CTNND2: variants seen among roughly 807,000 people sequenced by gnomAD.
CTNND2 encodes the protein catenin delta 2.
In CTNND2, 22 loss-of-function variants were observed where a neutral mutation model predicts 144.4. That is an observed-to-expected ratio of 0.15 (90% CI 0.11 to 0.22). The LOEUF is 0.22. CTNND2 is among the 10% of genes least tolerant of loss of function. CTNND2 has a pLI of 1.00. For synonymous variants in CTNND2, 751 were observed against 695.6 expected (o/e 1.08, Z -1.25); for missense variants, 1,353 against 1,618.8 (o/e 0.84, Z 2.82).
rs1488876637 is a variant in CTNND2 at position 11,903,247 on chromosome 5, C to G, written c.37+570G>C. 2.4e-5 allele frequency: 24 copies of G among 985,330 alleles called. No homozygotes were observed. Among genetic ancestry groups the G allele is most frequent in the Non-Finnish European group, 2.8e-5 (23 of 829,982 alleles). The allele number at this position is 985,330 out of a possible 1,614,324, so 61.0% of individuals were successfully genotyped here. On this transcript the variant is annotated intron_variant, in intron 1 of 21. Transcript: ENST00000304623. This position sits in a 1 kb window ranked among gnomAD's most constrained non-coding sequence, Gnocchi z 5.4. ...CAGAAGCCCCCGAAACCTGTGAAGC[C>G]GGCTGCAAAGGCTTGCTGGGAAGCC...
chr5:11,660,713 G>A (rs938958127), intron 2 of CTNND2, among the ~76,000 whole-genome samples: 13 of 152,108 alleles, frequency 8.5e-5, no homozygotes, highest in African/African-American at 2.2e-4. Context: ...AAAAAGTCAC[G>A]TATTTAAAAT....
At chr5:11,100,302 T>C (rs1302148414) in intron 14 of CTNND2, among the ~76,000 whole-genome samples, 1 of 152,204 alleles carries the variant, frequency 6.6e-6, no homozygotes, top group Non-Finnish European at 1.5e-5. Context: ...TCACTCAATT[T>C]TAACTTTATA....
chr5:11,386,644 A>G (rs1008795447), intron 6 of CTNND2, among the ~76,000 whole-genome samples: 3 of 152,172 alleles, frequency 2.0e-5, no homozygotes, highest in African/African-American at 7.2e-5. Context: ...TATGTACGGT[A>G]TATATATTTT....
chr5:11,699,338 T>G (rs1404665906), intron 2 of CTNND2, among the ~76,000 whole-genome samples: 1 of 152,108 alleles, frequency 6.6e-6, no homozygotes, highest in Non-Finnish European at 1.5e-5. Flanking sequence ...GAGGTAGGAA[T>G]GGCCTATTTC....
At chr5:11,215,144 T>C (rs922657870) in intron 10 of CTNND2, among the ~76,000 whole-genome samples, 1 of 152,170 alleles carries the variant, frequency 6.6e-6, no homozygotes, top group Admixed American at 6.5e-5. Context: ...TTCTGCAATA[T>C]GTCTGATTGG....
intron 3 of CTNND2, among the ~76,000 whole-genome samples, chr5:11,511,374 A>C (rs1771629659): frequency 6.6e-6 from 1 of 152,168 alleles, no homozygotes; most frequent in African/African-American, 2.4e-5. Context: ...GGGGAAGATG[A>C]GCGATGGCAG....
At chr5:11,793,710 A>G (rs1791256339) in intron 1 of CTNND2, among the ~76,000 whole-genome samples, 1 of 152,072 alleles carries the variant, frequency 6.6e-6, no homozygotes, top group African/African-American at 2.4e-5. Context: ...CAGACTTCTG[A>G]CCTCCAGAAC....
chr5:11,310,240 G>A (rs1021593422), intron 9 of CTNND2, among the ~76,000 whole-genome samples: 2 of 152,048 alleles, frequency 1.3e-5, no homozygotes, highest in Non-Finnish European at 2.9e-5. Flanking sequence ...CATGGGGTCT[G>A]ACAGCTTTTA....
chr5:11,313,592 T>G (rs258627), intron 9 of CTNND2, among the ~76,000 whole-genome samples: 128,787 of 152,036 alleles, frequency 0.85, 54,898 homozygotes, highest in Middle Eastern at 0.93. Context: ...ATCCTGGGCA[T>G]AGAGCAGCCA....
intron 13 of CTNND2, among the ~76,000 whole-genome samples, chr5:11,112,485 A>G (rs1753100383): frequency 6.6e-6 from 1 of 152,210 alleles, no homozygotes; most frequent in African/African-American, 2.4e-5. Flanking sequence ...ACCTTACCAC[A>G]TTTTAATTTT....
At chr5:11,150,772 G>T (rs1195848169) in intron 12 of CTNND2, among the ~76,000 whole-genome samples, 1 of 151,888 alleles carries the variant, frequency 6.6e-6, no homozygotes, top group African/African-American at 2.4e-5. Flanking sequence ...GATTACAGGT[G>T]CCCGCCAGCT....
At chr5:11,690,093 A>G (rs1784824410) in intron 2 of CTNND2, among the ~76,000 whole-genome samples, 1 of 152,246 alleles carries the variant, frequency 6.6e-6, no homozygotes, top group African/African-American at 2.4e-5. Context: ...AGACTTTCAA[A>G]TTGCCTCAAT....
chr5:11,058,777 G>A (rs368655715), intron 16 of CTNND2, among the ~76,000 whole-genome samples: 93 of 144,596 alleles, frequency 6.4e-4, no homozygotes, highest in African/African-American at 1.9e-3. Context: ...GCTATCCCCT[G>A]CAAAGCCACA....
intron 12 of CTNND2, among the ~76,000 whole-genome samples, chr5:11,153,995 T>TAACC (rs10657605): frequency 6.6e-6 from 1 of 152,038 alleles, no homozygotes; most frequent in African/African-American, 2.4e-5. Flanking sequence ...CTTCTACCCA[T>TAACC]AGTTCACCCT....
intron 9 of CTNND2, among the ~76,000 whole-genome samples, chr5:11,268,425 A>C (rs1745668165): frequency 6.6e-6 from 1 of 152,052 alleles, no homozygotes; most frequent in Admixed American, 6.6e-5. Flanking sequence ...TCTACTAAAA[A>C]GTACAAAAAA....
chr5:11,098,308 G>A (rs1453352477), intron 15 of CTNND2, among the ~76,000 whole-genome samples: 3 of 151,966 alleles, frequency 2.0e-5, no homozygotes, highest in Non-Finnish European at 4.4e-5. Flanking sequence ...TACAAGAATA[G>A]AATGAAAAAC....
chr5:11,034,961 C>A (rs1438961176), intron 16 of CTNND2, among the ~76,000 whole-genome samples: 3 of 151,388 alleles, frequency 2.0e-5, no homozygotes, highest in East Asian at 3.9e-4. Flanking sequence ...CATGCTGGTG[C>A]GCTGCACCCA....
At chr5:11,098,327 G>A (rs150849999) in intron 15 of CTNND2, among the ~76,000 whole-genome samples, 162 of 150,594 alleles carry the variant, frequency 1.1e-3, no homozygotes, top group African/African-American at 3.9e-3. Context: ...ACATTTCACA[G>A]CATTTTCAGT....
chr5:11,262,360 C>T (rs1212706383), intron 9 of CTNND2, among the ~76,000 whole-genome samples: 1 of 152,138 alleles, frequency 6.6e-6, no homozygotes, highest in Non-Finnish European at 1.5e-5. Flanking sequence ...CTAAAGCTGC[C>T]TTACTGAAGA....
Sources: allele counts gnomAD v4.1 joint callset (sites outside exome capture counted in the v4.1 genomes callset), GRCh38; gene constraint gnomAD v4.1.1; non-coding constraint Gnocchi (gnomAD v3.1); transcripts MANE v1.5; gene names NCBI Gene and HGNC (gene_info 2026-07-23, HGNC 2026-07-21).